Variants in LHFPL3 observed in about 807,000 individuals in gnomAD.
LHFPL3 encodes LHFPL tetraspan subfamily member 3.
LHFPL3 carries 5 observed loss-of-function variants against 19.3 expected under a neutral mutation model. The ratio of observed to expected loss-of-function variants is 0.26; its 90% CI spans 0.14 to 0.54. LHFPL3 has a LOEUF of 0.54. Ranked by LOEUF, LHFPL3 falls within the 20% of genes least tolerant of loss-of-function variation. The probability of loss-of-function intolerance (pLI) is 0.94; values close to 1 mark genes in which losing one functional copy is unlikely to be tolerated. For missense variants in LHFPL3, 249 were observed against 307.4 expected, an observed-to-expected ratio of 0.81 and a Z score of 1.42; for synonymous variants, 133 against 126.2, an observed-to-expected ratio of 1.05 and a Z score of -0.36.
intron 2 of LHFPL3, among the ~76,000 whole-genome samples, chr7:104,893,842 C>T (rs1792300333): frequency 6.6e-6 from 1 of 151,882 alleles, no homozygotes; most frequent in Admixed American, 6.6e-5. Context: ...ATCCCAGCTA[C>T]TCAGGAGGCT....
intron 2 of LHFPL3, among the ~76,000 whole-genome samples, chr7:104,827,984 G>A (rs1790858723): frequency 6.6e-6 from 1 of 151,886 alleles, no homozygotes; most frequent in Non-Finnish European, 1.5e-5. Flanking sequence ...ACTGCCCCCA[G>A]TTCATACAGT....
chr7:104,430,991 TAATA>T (rs1428179032), intron 1 of LHFPL3, among the ~76,000 whole-genome samples: 5 of 152,046 alleles, frequency 3.3e-5, no homozygotes, highest in African/African-American at 7.2e-5. Flanking sequence ...ATAAATAAAA[TAATA>T]AATAAAATAT....
chr7:104,526,654 C>T (rs1433352616), intron 1 of LHFPL3, among the ~76,000 whole-genome samples: 1 of 152,168 alleles, frequency 6.6e-6, no homozygotes, highest in Non-Finnish European at 1.5e-5. Flanking sequence ...AAATGTTACC[C>T]AGACTTTTGT....
intron 1 of LHFPL3, among the ~76,000 whole-genome samples, chr7:104,354,480 C>G (rs992912141): frequency 2.0e-5 from 3 of 152,236 alleles, no homozygotes; most frequent in Non-Finnish European, 4.4e-5. Context: ...CTCCAGCCCC[C>G]ACACATCTGC....
intron 2 of LHFPL3, among the ~76,000 whole-genome samples, chr7:104,803,179 T>C (rs944761518): frequency 6.6e-6 from 1 of 152,218 alleles, no homozygotes; most frequent in South Asian, 2.1e-4. Context: ...AGATCCAACA[T>C]ACCACTTCTT....
intron 1 of LHFPL3, among the ~76,000 whole-genome samples, chr7:104,618,817 T>C (rs2115791128): frequency 6.6e-6 from 1 of 152,318 alleles, no homozygotes; most frequent in East Asian, 1.9e-4. Flanking sequence ...TTGGCCAAGG[T>C]CCCACAGTCC....
chr7:104,403,842 A>G (rs1171520924), intron 1 of LHFPL3, among the ~76,000 whole-genome samples: 1 of 152,008 alleles, frequency 6.6e-6, no homozygotes, highest in Non-Finnish European at 1.5e-5. Flanking sequence ...TACAGTAACC[A>G]AGCCTGATCT....
intron 1 of LHFPL3, among the ~76,000 whole-genome samples, chr7:104,644,901 C>G (rs969011519): frequency 6.6e-6 from 1 of 152,138 alleles, no homozygotes; most frequent in African/African-American, 2.4e-5. Flanking sequence ...TTTAAAGCTC[C>G]TAAGTGGTTT....
intron 2 of LHFPL3, among the ~76,000 whole-genome samples, chr7:104,825,908 G>T (rs1217340866): frequency 6.6e-6 from 1 of 151,790 alleles, no homozygotes; most frequent in Non-Finnish European, 1.5e-5. Flanking sequence ...GACCACTTTT[G>T]TTTCTAATTC....
intron 1 of LHFPL3, chr7:104,668,807 C>G (rs1213801713): frequency 6.2e-7 from 1 of 1,602,050 alleles, no homozygotes; most frequent in Non-Finnish European, 8.5e-7. Flanking sequence ...CCAGTCCACT[C>G]GAGCTGCTTC....
intron 1 of LHFPL3, among the ~76,000 whole-genome samples, chr7:104,501,817 T>C (rs2115734364): frequency 6.6e-6 from 1 of 152,338 alleles, no homozygotes; most frequent in East Asian, 1.9e-4. Flanking sequence ...ACCAAATATA[T>C]TCTGCAGCTA....
At chr7:104,509,396 G>A (rs1793766107) in intron 1 of LHFPL3, among the ~76,000 whole-genome samples, 1 of 151,992 alleles carries the variant, frequency 6.6e-6, no homozygotes, top group African/African-American at 2.4e-5. Context: ...CACCTAGTGG[G>A]ACTTATTCCA....
intron 2 of LHFPL3, chr7:104,796,506 T>C (rs1258126846): frequency 6.6e-6 from 1 of 151,936 alleles, no homozygotes; most frequent in Non-Finnish European, 1.5e-5. Flanking sequence ...ATAGTGGGAG[T>C]TTGAAGTAAA....
intron 1 of LHFPL3, among the ~76,000 whole-genome samples, chr7:104,448,208 C>T (rs1383788280): frequency 6.6e-6 from 1 of 152,076 alleles, no homozygotes; most frequent in Non-Finnish European, 1.5e-5. Flanking sequence ...TTGTCTTCAC[C>T]TAAGGAGTTT....
rs71155514 is a variant in LHFPL3 at position 104,666,512 on chromosome 7, C to CTTTTTTTTTTTTTT, written c.446-70149_446-70136dup. 5.9e-4 allele frequency among the ~76,000 whole-genome samples: 25 copies of CTTTTTTTTTTTTTT among 42,236 alleles called. 5 individuals carry two copies. The highest frequency in any genetic ancestry group is 1.4e-3 in the African/African-American group (18 of 12,728). The allele number at this position is 42,236 out of a possible 152,430, so 27.7% of individuals were successfully genotyped here. On this transcript the variant is annotated intron_variant, in intron 1 of 2. Transcript: ENST00000424859. The stretch of plus-strand genomic sequence containing the variant: ...TTGCTGAAAATGACAGGATTTCATT[C>CTTTTTTTTTTTTTT]TTTTTTTTTTTTTTTTTTTTTTTTT...
intron 1 of LHFPL3, among the ~76,000 whole-genome samples, chr7:104,610,974 G>A (rs1791202523): frequency 6.6e-6 from 1 of 152,142 alleles, no homozygotes. Context: ...CATTTGCACA[G>A]TAGCATGAAT....
rs75758051 is a variant in LHFPL3 at position 104,646,809 on chromosome 7, A to G, written c.446-89866A>G. Among the ~76,000 whole-genome samples the G allele has an allele frequency of 4.5e-3, 681 of 152,322 alleles. 41 individuals carry two copies. The East Asian group carries it at 0.11, about 25-fold the overall frequency. On this transcript the variant is annotated intron_variant, in intron 1 of 2. Coordinates refer to ENST00000424859, the MANE Select transcript of LHFPL3 (RefSeq NM_199000.3). ...TACCAACTCACTGCTAATAGAATCT[A>G]TTTGATTTATTCAGTATTTAGCAAA... is the stretch of plus-strand genomic sequence containing the variant.
At chr7:104,749,722 C>T (rs1794125124) in intron 2 of LHFPL3, among the ~76,000 whole-genome samples, 1 of 152,266 alleles carries the variant, frequency 6.6e-6, no homozygotes, top group African/African-American at 2.4e-5. Context: ...AGAATGAAGG[C>T]TCAATATGAC....
chr7:104,876,154 T>A (rs1472229898), intron 2 of LHFPL3, among the ~76,000 whole-genome samples: 1 of 152,142 alleles, frequency 6.6e-6, no homozygotes, highest in Non-Finnish European at 1.5e-5. Flanking sequence ...GACTTAAATG[T>A]TAGACCTAAA....
Sources: gnomAD v4.1 joint callset for allele counts (sites outside exome capture counted in the v4.1 genomes callset) on GRCh38, gnomAD v4.1.1 for gene constraint, MANE v1.5 for transcripts, NCBI Gene and HGNC (gene_info 2026-07-23, HGNC 2026-07-21) for gene names.